The following RAVER2 variants were observed in gnomAD, a reference collection of about 807,000 sequenced individuals.
RAVER2 encodes ribonucleoprotein PTB-binding 2.
A neutral mutation model predicts 78.1 loss-of-function variants in RAVER2; 46 were observed. The ratio of observed to expected loss-of-function variants is 0.59; its 90% CI spans 0.46 to 0.75. The LOEUF (loss-of-function observed/expected upper bound fraction) is 0.75. Among genes scored for constraint, RAVER2 ranks in the 30% least tolerant of loss-of-function variants. RAVER2 has a pLI of 0.00. For synonymous variants in RAVER2, 311 were observed against 313.3 expected, an observed-to-expected ratio of 0.99 and a Z score of 0.08; for missense variants, 793 against 837.5, an observed-to-expected ratio of 0.95 and a Z score of 0.66.
chr1:64,789,380 C>T lies in RAVER2; in HGVS notation c.979-8C>T. The T allele has an allele frequency of 6.3e-7, 1 of 1,588,870 alleles. No homozygotes were observed. The highest frequency in any genetic ancestry group is 8.6e-7 in the Non-Finnish European group (1 of 1,167,080). ...TTCTAATGTTTCTTATTTCTATATTCATTGCAGATGCACAGTAATCAAAAG... is the reference window on the plus strand; with the variant it reads ...TTCTAATGTTTCTTATTTCTATATTTATTGCAGATGCACAGTAATCAAAAG... On this transcript the variant is annotated splice_polypyrimidine_tract_variant and splice_region_variant and intron_variant, in intron 4 of 11. Transcript: ENST00000294428.
intron 1 of RAVER2, among the ~76,000 whole-genome samples, chr1:64,759,326 TCTC>T (rs1651947301): frequency 7.0e-6 from 1 of 142,152 alleles, no homozygotes; most frequent in South Asian, 2.3e-4. Context: ...TTCATGGCAT[TCTC>T]CTGCCTCAGC....
intron 6 of RAVER2, among the ~76,000 whole-genome samples, chr1:64,803,804 T>A (rs1653337013): frequency 6.6e-6 from 1 of 152,210 alleles, no homozygotes; most frequent in Non-Finnish European, 1.5e-5. Context: ...TCATTGAGGC[T>A]ACTGTGTGGA....
At chr1:64,793,784 A>G (rs1028258577) in intron 5 of RAVER2, among the ~76,000 whole-genome samples, 10 of 152,314 alleles carry the variant, frequency 6.6e-5, no homozygotes, top group Admixed American at 6.5e-4. Context: ...TGTATTTTCT[A>G]GAAATTGGTA....
At chr1:64,781,555 T>G in exon 4 of RAVER2, 1 of 1,612,786 alleles carries the variant, frequency 6.2e-7, no homozygotes, top group Non-Finnish European at 8.5e-7. Flanking sequence ...GCAGCATTGA[T>G]AGCGGCTCAA....
intron 4 of RAVER2, among the ~76,000 whole-genome samples, chr1:64,785,167 T>A (rs1185855740): frequency 6.6e-6 from 1 of 152,184 alleles, no homozygotes; most frequent in Non-Finnish European, 1.5e-5. Flanking sequence ...TTCTAGATAA[T>A]GTTTTCTATA....
At position 64,745,960 on chromosome 1, in the gene RAVER2, A is replaced by G. The variant is rs1267337028; in HGVS notation, c.249+539A>G. ...TTCTATGAAACAACTCTGTCTTCTCAGTTTGCTAAGGCCCCAGAATAGAGT... is the reference window on the plus strand; with the variant it reads ...TTCTATGAAACAACTCTGTCTTCTCGGTTTGCTAAGGCCCCAGAATAGAGT... On this transcript the variant is annotated intron_variant, in intron 1 of 11. Coordinates refer to ENST00000294428, the Ensembl canonical transcript of RAVER2. The surrounding 1 kb of genome is among the most constrained non-coding windows in gnomAD (Gnocchi z 4.3). 6.6e-6 allele frequency among the ~76,000 whole-genome samples: 1 copy of G among 152,202 alleles called. No homozygotes were observed.
intron 11 of RAVER2, among the ~76,000 whole-genome samples, chr1:64,825,778 G>A (rs1000302207): frequency 5.3e-5 from 8 of 152,086 alleles, no homozygotes; most frequent in African/African-American, 1.9e-4. Flanking sequence ...GGAAATCAAT[G>A]GGATAAAAGA....
At chr1:64,786,107 T>C (rs1652772976) in intron 4 of RAVER2, among the ~76,000 whole-genome samples, 1 of 152,228 alleles carries the variant, frequency 6.6e-6, no homozygotes, top group African/African-American at 2.4e-5. Context: ...CATTGTCTTC[T>C]TGAATCTAAT....
intron 5 of RAVER2, among the ~76,000 whole-genome samples, chr1:64,792,243 G>A (rs1003005035): frequency 6.6e-6 from 1 of 152,100 alleles, no homozygotes; most frequent in Non-Finnish European, 1.5e-5. Flanking sequence ...CCCACAAGTT[G>A]TTCTCTTGTG....
chr1:64,750,713 A>AT (rs535781099), intron 1 of RAVER2, among the ~76,000 whole-genome samples: 252 of 152,234 alleles, frequency 1.7e-3, no homozygotes, highest in African/African-American at 6.0e-3. Context: ...TTTCCTGACA[A>AT]TATTGGGGTG....
exon 12 of RAVER2, chr1:64,831,042 C>A: frequency 6.6e-7 from 1 of 1,525,002 alleles, no homozygotes; most frequent in South Asian, 1.3e-5. Context: ...TGCTGTTCAT[C>A]GCTGCCTTAA....
chr1:64,781,334 C>A, intron 3 of RAVER2, 46 bp from the exon 4 acceptor site: 1 of 1,444,530 alleles, frequency 6.9e-7, no homozygotes, highest in Non-Finnish European at 9.2e-7. Flanking sequence ...ATAAATGTTT[C>A]TAAGTAAAGA....
Position 64,745,253 on chromosome 1 carries a change from G to C in RAVER2, c.81G>C (p.Gly27=). The change falls in exon 1 of 12, where the codon GGG becomes GGC. Residue 27 remains glycine, a synonymous_variant. Coordinates refer to ENST00000294428, the Ensembl canonical transcript of RAVER2. This position sits in a 1 kb window ranked among gnomAD's most constrained non-coding sequence, Gnocchi z 4.3. ...CGGCGGGGCTGGGGCCGGGGCCGGG[G>C]CTGCGCGGGCAGGGCCCCTCAGCCG... 1 of 1,230,058 alleles carries C rather than the reference G, an allele frequency of 8.1e-7. No individual in the cohort carries two copies. The highest frequency in any genetic ancestry group is 1.0e-6 in the Non-Finnish European group (1 of 977,620). The allele number at this position is 1,230,058 out of a possible 1,614,324, so 76.2% of individuals were successfully genotyped here.
chr1:64,810,855 C>T (rs1312279242), intron 9 of RAVER2, among the ~76,000 whole-genome samples: 1 of 152,120 alleles, frequency 6.6e-6, no homozygotes, highest in African/African-American at 2.4e-5. Flanking sequence ...TGCACAGGTC[C>T]ACTTATACTT....
chr1:64,770,779 A>T (rs1269069682), intron 2 of RAVER2, among the ~76,000 whole-genome samples: 1 of 152,028 alleles, frequency 6.6e-6, no homozygotes, highest in Non-Finnish European at 1.5e-5. Flanking sequence ...TGGAGATGAA[A>T]ATTACAACAT....
chr1:64,770,592 A>C (rs984922227), intron 2 of RAVER2, among the ~76,000 whole-genome samples: 1 of 152,032 alleles, frequency 6.6e-6, no homozygotes, highest in Non-Finnish European at 1.5e-5. Context: ...GGAAAACCTA[A>C]TGTATAACGA....
intron 1 of RAVER2, among the ~76,000 whole-genome samples, chr1:64,748,052 T>C (rs1651591796): frequency 1.3e-5 from 2 of 152,224 alleles, no homozygotes; most frequent in African/African-American, 4.8e-5. Context: ...CCCACAACTT[T>C]ATAGTTCCTA....
At chr1:64,746,160 C>T (rs2375475) in intron 1 of RAVER2, among the ~76,000 whole-genome samples, 72,192 of 150,962 alleles carry the variant, frequency 0.48, 19,885 homozygotes, top group African/African-American at 0.77. Context: ...CTTTTTTTTT[C>T]CCCTGATTTC....
At chr1:64,789,666 T>A (rs1203166872) in intron 5 of RAVER2, 152 bp downstream of exon 5, 6 of 606,606 alleles carry the variant, frequency 9.9e-6, no homozygotes, top group Non-Finnish European at 1.4e-5. Context: ...GTTAATGAAT[T>A]TTAACAATAA....
Sources: gnomAD v4.1 joint callset for allele counts (sites outside exome capture counted in the v4.1 genomes callset) on GRCh38, gnomAD v4.1.1 for gene constraint, Gnocchi (gnomAD v3.1) non-coding constraint, MANE v1.5 for transcripts, NCBI Gene and HGNC (gene_info 2026-07-23, HGNC 2026-07-21) for gene names.